The following SNX13 variants were observed in gnomAD, a reference collection of about 807,000 sequenced individuals.
SNX13 encodes the protein sorting nexin 13, also known as sorting nexin-13.
SNX13 carries 45 observed loss-of-function variants against 133.6 expected under a neutral mutation model. The observed-to-expected ratio is 0.34, with a 90% CI of 0.27 to 0.43. The LOEUF (loss-of-function observed/expected upper bound fraction) is 0.43, where lower values mean the gene tolerates loss of function less well. Among genes scored for constraint, SNX13 ranks in the 20% least tolerant of loss-of-function variants. The pLI is 1.00. For missense variants in SNX13, 1,032 were observed against 1,145.1 expected (o/e 0.90, Z 1.43); for synonymous variants, 414 against 373.9 (o/e 1.11, Z -1.24).
At chr7:17,920,388 C>A (rs1800001118) in intron 1 of SNX13, among the ~76,000 whole-genome samples, 1 of 152,182 alleles carries the variant, frequency 6.6e-6, no homozygotes. Context: ...TTTGAATGAA[C>A]TCTTCATTCA....
intron 1 of SNX13, among the ~76,000 whole-genome samples, chr7:17,904,611 T>C (rs934365313): frequency 6.6e-6 from 1 of 152,154 alleles, no homozygotes; most frequent in African/African-American, 2.4e-5. Flanking sequence ...CTCACTAGAA[T>C]GGGGTCAACC....
intron 5 of SNX13, among the ~76,000 whole-genome samples, chr7:17,883,962 G>A (rs954783414): frequency 8.5e-5 from 13 of 152,082 alleles, no homozygotes; most frequent in African/African-American, 2.7e-4. Context: ...CATTTTGTCC[G>A]TAGCTGCTTT....
At chr7:17,848,857 G>A (rs73681837) in intron 11 of SNX13, among the ~76,000 whole-genome samples, 1 of 152,248 alleles carries the variant, frequency 6.6e-6, no homozygotes, top group African/African-American at 2.4e-5. Flanking sequence ...AAGGGGTCAG[G>A]GAAGTACCCT....
At chr7:17,864,638 G>A in intron 9 of SNX13, among the ~76,000 whole-genome samples, 1 of 151,968 alleles carries the variant, frequency 6.6e-6, no homozygotes, top group Non-Finnish European at 1.5e-5. Context: ...AAAAAAACAT[G>A]AATATCCAGG....
chr7:17,792,532 C>G lies in SNX13; in HGVS notation c.*1513G>C, dbSNP rs1405055157. ...AAGTAGGATCTAAGTGAAAACAAGA[C>G]AGTGATATCTTGTTCCAATCTTAAA... On this transcript the variant is annotated 3_prime_UTR_variant, in exon 26 of 26. Transcript: ENST00000428135. The G allele has an allele frequency of 2.0e-5, 3 of 152,358 alleles. No homozygotes were observed. The highest frequency in any genetic ancestry group is 7.2e-5 in the African/African-American group (3 of 41,404). 9.4% of individuals were successfully genotyped at this position (152,358 alleles called of 1,614,324 possible). A position where few individuals can be genotyped will look rare whatever the true frequency, so the allele number is the denominator to read the frequency against.
At chr7:17,865,474 T>C (rs1793275919) in intron 9 of SNX13, among the ~76,000 whole-genome samples, 1 of 151,908 alleles carries the variant, frequency 6.6e-6, no homozygotes, top group South Asian at 2.1e-4. Flanking sequence ...ATAAAAGAAA[T>C]TGAATAAGAC....
intron 9 of SNX13, among the ~76,000 whole-genome samples, chr7:17,858,225 A>G (rs1792172216): frequency 6.6e-6 from 1 of 152,158 alleles, no homozygotes. Flanking sequence ...TGGAAAGGAA[A>G]AAGTCAATTT....
rs142988269 is a variant in SNX13 at position 17,868,265 on chromosome 7, T to C, written c.837+142A>G. On this transcript the variant is annotated intron_variant, in intron 9 of 25. Coordinates refer to ENST00000428135, the MANE Select transcript of SNX13 (RefSeq NM_015132.5). ...TTCAAAATATAAGCAAATAAAAATATTGGAAACACAGAGATTACTTCAGAA... is the reference window on the plus strand; with the variant it reads ...TTCAAAATATAAGCAAATAAAAATACTGGAAACACAGAGATTACTTCAGAA... 1.2e-5 allele frequency: 8 copies of C among 652,040 alleles called. No homozygotes were observed. The Admixed American group carries it at 1.4e-4, about 11-fold the overall frequency. 40.4% of individuals were successfully genotyped at this position (652,040 alleles called of 1,614,324 possible).
rs535881655 is a variant in SNX13 at position 17,806,442 on chromosome 7, G to C, written c.2065-2862C>G. ...TAATTTCCAGTGAAATATAATTAAGGAAAAAAATATTAAACTATCATTTAG... is the reference window on the plus strand; with the variant it reads ...TAATTTCCAGTGAAATATAATTAAGCAAAAAAATATTAAACTATCATTTAG... On this transcript the variant is annotated intron_variant, in intron 20 of 25. Coordinates refer to ENST00000428135, the MANE Select transcript of SNX13 (RefSeq NM_015132.5). 2.6e-5 allele frequency among the ~76,000 whole-genome samples: 4 copies of C among 152,080 alleles called. No individual in the cohort carries two copies. The South Asian group carries it at 8.3e-4, about 32-fold the overall frequency.
chr7:17,928,734 G>C (rs1020386276), intron 1 of SNX13, among the ~76,000 whole-genome samples: 5 of 152,094 alleles, frequency 3.3e-5, no homozygotes, highest in African/African-American at 1.2e-4. Flanking sequence ...ATAACTTTCA[G>C]GGTATGTTCT....
intron 17 of SNX13, among the ~76,000 whole-genome samples, chr7:17,824,640 T>C (rs753418806): frequency 2.6e-4 from 40 of 152,216 alleles, no homozygotes; most frequent in Middle Eastern, 3.4e-3. Context: ...AATCTTAATT[T>C]TGGATGGCTT....
chr7:17,922,730 G>A (rs1025217722), intron 1 of SNX13, among the ~76,000 whole-genome samples: 19 of 149,494 alleles, frequency 1.3e-4, no homozygotes, highest in African/African-American at 1.8e-4. Flanking sequence ...TTTAGAGTAC[G>A]AAGTGTAGCA....
At chr7:17,869,528 G>T (rs1489745197) in intron 8 of SNX13, among the ~76,000 whole-genome samples, 2 of 151,978 alleles carry the variant, frequency 1.3e-5, no homozygotes, top group Non-Finnish European at 2.9e-5. Context: ...AAGCTTAACA[G>T]GATGTATAAT....
intron 1 of SNX13, among the ~76,000 whole-genome samples, chr7:17,917,389 A>G (rs539076051): frequency 6.6e-6 from 1 of 152,308 alleles, no homozygotes; most frequent in South Asian, 2.1e-4. Flanking sequence ...TGCTGACCAT[A>G]TGATTCTATA....
intron 22 of SNX13, among the ~76,000 whole-genome samples, chr7:17,800,713 TAGCTAAGAACTAAGAC>T (rs1194485866): frequency 1.3e-5 from 2 of 151,596 alleles, no homozygotes; most frequent in East Asian, 1.9e-4. Flanking sequence ...AGAACTAAGA[TAGCTAAGAACTAAGAC>T]AGCTAAGCCA....
chr7:17,826,365 C>T (rs1787915207), intron 16 of SNX13, among the ~76,000 whole-genome samples: 1 of 151,930 alleles, frequency 6.6e-6, no homozygotes, highest in Admixed American at 6.6e-5. Context: ...TCTACTGTAA[C>T]TTGCTACTTT....
chr7:17,854,945 G>T (rs1791702465), intron 9 of SNX13, among the ~76,000 whole-genome samples: 1 of 151,918 alleles, frequency 6.6e-6, no homozygotes, highest in Non-Finnish European at 1.5e-5. Context: ...CTTAAAGCTT[G>T]GTCTCTTGCA....
In SNX13 at chr7:17,801,606, C is replaced by A. The variant is rs778754709; in HGVS notation, c.2280G>T (p.Ser760=). The stretch of plus-strand genomic sequence containing the variant: ...AACTCACATTATCGTCAAGTTGAGC[C>A]GAAACTCGGCGATGTTCAGGGTCTG... The part of the protein sequence containing the change: ...TDSDPEHRRV[S]AQLDDNVDDN... The change falls in exon 22 of 26, where the codon TCG becomes TCT. Residue 760 remains serine (S), a synonymous_variant. Coordinates refer to ENST00000428135, the MANE Select transcript of SNX13 (RefSeq NM_015132.5). 1.9e-6 allele frequency: 3 copies of A among 1,608,420 alleles called. No individual in the cohort carries two copies. The highest frequency in any genetic ancestry group is 1.7e-6 in the Non-Finnish European group (2 of 1,177,464).
chr7:17,915,147 G>C (rs1417206275), intron 1 of SNX13, among the ~76,000 whole-genome samples: 4 of 152,174 alleles, frequency 2.6e-5, no homozygotes, highest in African/African-American at 4.8e-5. Context: ...TTATGATAAA[G>C]GTTCATCAAC....
Sources: gnomAD v4.1 joint callset for allele counts (sites outside exome capture counted in the v4.1 genomes callset) on GRCh38, gnomAD v4.1.1 for gene constraint, MANE v1.5 for transcripts, NCBI Gene and HGNC (gene_info 2026-07-23, HGNC 2026-07-21) for gene names.